The following PCDHGB3 variants were observed in gnomAD, a reference collection of about 807,000 sequenced individuals.
The protein encoded by PCDHGB3 is protocadherin gamma subfamily B, 3, also known as protocadherin gamma-B3.
PCDHGB3 carries 40 observed loss-of-function variants against 59.2 expected under a neutral mutation model. That is an observed-to-expected ratio of 0.68 (90% CI 0.52 to 0.88). The LOEUF (loss-of-function observed/expected upper bound fraction) is 0.88. Among genes scored for constraint, PCDHGB3 ranks in the 40% least tolerant of loss-of-function variants. PCDHGB3 has a pLI of 0.00. For missense variants in PCDHGB3, 1,309 were observed against 1,187.9 expected, an observed-to-expected ratio of 1.10 and a Z score of -1.50; for synonymous variants, 581 against 503.6, an observed-to-expected ratio of 1.15 and a Z score of -2.06.
chr5:141,393,052 G>A, intron 1 of PCDHGB3: 1 of 1,613,612 alleles, frequency 6.2e-7, no homozygotes, highest in Non-Finnish European at 8.5e-7. Flanking sequence ...CTGAACCCGC[G>A]CAGCGGCAGC....
At chr5:141,399,473 A>G (rs2093815825) in intron 1 of PCDHGB3, 2 of 1,613,996 alleles carry the variant, frequency 1.2e-6, no homozygotes, top group Non-Finnish European at 1.7e-6. Context: ...CCGGTTTTCC[A>G]CCAGGCGTCC....
At chr5:141,492,237 C>G (rs2099738580) in intron 1 of PCDHGB3, among the ~76,000 whole-genome samples, 1 of 152,206 alleles carries the variant, frequency 6.6e-6, no homozygotes, top group Admixed American at 6.5e-5. Flanking sequence ...TCCCTGCTGG[C>G]CACCCCCACG....
intron 1 of PCDHGB3, chr5:141,374,502 T>C (rs1588742531): frequency 6.2e-7 from 1 of 1,611,402 alleles, no homozygotes; most frequent in East Asian, 2.2e-5. Flanking sequence ...GAATTGGAAG[T>C]GAAAATTCTC....
intron 1 of PCDHGB3, chr5:141,387,565 T>C: frequency 2.3e-6 from 1 of 437,244 alleles, no homozygotes; most frequent in Non-Finnish European, 4.0e-6. Flanking sequence ...AGGCACACAA[T>C]TATAATTATT....
At chr5:141,464,413 A>G (rs2099083422) in intron 1 of PCDHGB3, among the ~76,000 whole-genome samples, 1 of 151,632 alleles carries the variant, frequency 6.6e-6, no homozygotes, top group African/African-American at 2.4e-5. Context: ...ATATATATAT[A>G]TCTATATATA....
intron 1 of PCDHGB3, among the ~76,000 whole-genome samples, chr5:141,460,317 A>G (rs1045494740): frequency 4.6e-5 from 7 of 152,260 alleles, no homozygotes; most frequent in African/African-American, 1.7e-4. Flanking sequence ...CTCCTTGCCT[A>G]CTGAAAACTT....
chr5:141,408,561 T>C lies in PCDHGB3; in HGVS notation c.2415+35752T>C. On this transcript the variant is annotated intron_variant, in intron 1 of 3. Coordinates refer to ENST00000576222, the MANE Select transcript of PCDHGB3 (RefSeq NM_018924.5). ...AATCCTTTAAATATTTTTCATGTCA[T>C]TGTGGTGATTGAGGATGTTAATGAC... 6.2e-7 allele frequency: 1 copy of C among 1,613,994 alleles called. No homozygotes were observed.
rs746541169 is a variant in PCDHGB3 at position 141,370,655 on chromosome 5, C to G, written c.261C>G (p.Ser87Arg). The change falls in exon 1 of 4, where the codon AGC (serine) becomes AGG (arginine). Residue 87 changes from serine (S) to arginine (R), a missense_variant. By Grantham distance (110) the Ser-to-Arg change is moderately radical. Coordinates refer to ENST00000576222, the MANE Select transcript of PCDHGB3 (RefSeq NM_018924.5). Reference sequence around the variant, plus strand: ...CCGAAAATGGGAACTTACTTGTGAGCGACCGTATAGACCGAGAGGAGATTT... The same window carrying G: ...CCGAAAATGGGAACTTACTTGTGAGGGACCGTATAGACCGAGAGGAGATTT... Reference protein sequence around the residue: ...VSPENGNLLVSDRIDREEICG... With the variant: ...VSPENGNLLVRDRIDREEICG... The G allele has an allele frequency of 1.9e-6, 3 of 1,613,826 alleles. No homozygotes were observed. Among genetic ancestry groups the G allele is most frequent in the Admixed American group, 3.3e-5 (2 of 60,024 alleles).
chr5:141,502,402 A>T (rs1317862793), intron 2 of PCDHGB3, among the ~76,000 whole-genome samples: 1 of 151,976 alleles, frequency 6.6e-6, no homozygotes, highest in Admixed American at 6.6e-5. Flanking sequence ...AATGTCCCCG[A>T]ACCTGGATTT....
rs72790032 is a variant in PCDHGB3 at position 141,393,544 on chromosome 5, A to G, written c.2415+20735A>G. On this transcript the variant is annotated intron_variant, in intron 1 of 3. Coordinates refer to ENST00000576222, the MANE Select transcript of PCDHGB3 (RefSeq NM_018924.5). ...AATGACAATGCCCCGGTTTTTCCTC[A>G]CCCGATTTACCGAGTGAAAGTCCTT... 18,579 of 1,613,800 alleles carry G rather than the reference A, an allele frequency of 0.012. 149 individuals carry two copies. The highest frequency in any genetic ancestry group is 0.014 in the Non-Finnish European group (16,983 of 1,179,880).
chr5:141,408,058 G>A, intron 1 of PCDHGB3: 1 of 1,316,270 alleles, frequency 7.6e-7, no homozygotes. Flanking sequence ...GAGCCTCCCG[G>A]CTGCGCAGAC....
In PCDHGB3 at chr5:141,477,880, C is replaced by T. The variant is rs763789849; in HGVS notation, c.2416-16927C>T. 10 of 1,614,058 alleles carry T rather than the reference C, an allele frequency of 6.2e-6. No homozygotes were observed. The African/African-American group carries it at 1.2e-4, about 19-fold the overall frequency. ...TGCCTCGAGGTACCTCAGCTGGCCA[C>T]CTAGTGTCACGGGTGGTAGGCTGGG... is the stretch of plus-strand genomic sequence containing the variant. On this transcript the variant is annotated intron_variant, in intron 1 of 3. Transcript: ENST00000576222. The surrounding 1 kb of genome is among the most constrained non-coding windows in gnomAD (Gnocchi z 4.9).
chr5:141,459,757 G>A (rs1360124889), intron 1 of PCDHGB3, among the ~76,000 whole-genome samples: 3 of 152,162 alleles, frequency 2.0e-5, no homozygotes, highest in Admixed American at 2.0e-4. Context: ...ATTCTAGTGG[G>A]TGTGTGATAC....
Position 141,477,864 on chromosome 5 carries a change from G to A in PCDHGB3, c.2416-16943G>A, listed in dbSNP as rs775055164. On this transcript the variant is annotated intron_variant, in intron 1 of 3. Transcript: ENST00000576222. The surrounding 1 kb of genome is among the most constrained non-coding windows in gnomAD (Gnocchi z 4.9). Reference sequence around the variant, plus strand: ...AGCTCGGTGGAGATGCTGCCTCGAGGTACCTCAGCTGGCCACCTAGTGTCA... The same window carrying A: ...AGCTCGGTGGAGATGCTGCCTCGAGATACCTCAGCTGGCCACCTAGTGTCA... 1.2e-6 allele frequency: 2 copies of A among 1,613,122 alleles called. No homozygotes were observed. The highest frequency in any genetic ancestry group is 4.5e-5 in the East Asian group (2 of 44,822).
chr5:141,386,894 A>G (rs1266264149), intron 1 of PCDHGB3, among the ~76,000 whole-genome samples: 1 of 152,228 alleles, frequency 6.6e-6, no homozygotes, highest in Non-Finnish European at 1.5e-5. Context: ...TGTTTCCTTC[A>G]ATTCAGAGGT....
chr5:141,388,026 G>A, intron 1 of PCDHGB3: 1 of 1,446,900 alleles, frequency 6.9e-7, no homozygotes, highest in South Asian at 1.3e-5. Flanking sequence ...CTCCGTAGTG[G>A]GGAACCTCGC....
chr5:141,484,552 G>T (rs2099597743), intron 1 of PCDHGB3, among the ~76,000 whole-genome samples: 1 of 152,138 alleles, frequency 6.6e-6, no homozygotes, highest in African/African-American at 2.4e-5. Context: ...CTAATTAGCA[G>T]TTGCTCCAAT....
Position 141,410,674 on chromosome 5 carries a change from A to G in PCDHGB3, c.2415+37865A>G. 3.2e-6 allele frequency: 5 copies of G among 1,551,418 alleles called. No homozygotes were observed. In the South Asian group the frequency reaches 3.6e-5, roughly 11 times the overall value. On this transcript the variant is annotated intron_variant, in intron 1 of 3. Coordinates refer to ENST00000576222, the MANE Select transcript of PCDHGB3 (RefSeq NM_018924.5). ...ATCTAATAGTCTACTAGTTTCTCATATTTTAGGCATACTACTTTATTTTCA... is the reference window on the plus strand; with the variant it reads ...ATCTAATAGTCTACTAGTTTCTCATGTTTTAGGCATACTACTTTATTTTCA...
chr5:141,408,549 T>C, intron 1 of PCDHGB3: 1 of 1,614,016 alleles, frequency 6.2e-7, no homozygotes, highest in Non-Finnish European at 8.5e-7. Flanking sequence ...CCTTTAAATA[T>C]TTTTCATGTC....
Sources: allele counts gnomAD v4.1 joint callset (sites outside exome capture counted in the v4.1 genomes callset), GRCh38; gene constraint gnomAD v4.1.1; non-coding constraint Gnocchi (gnomAD v3.1); transcripts MANE v1.5; gene names NCBI Gene and HGNC (gene_info 2026-07-23, HGNC 2026-07-21).